SGCG: variants seen among roughly 807,000 people sequenced by gnomAD.
SGCG encodes sarcoglycan gamma.
Under a neutral mutation model 29.3 loss-of-function variants are expected in SGCG, and 26 were observed. The observed-to-expected ratio is 0.89, with a 90% CI of 0.65 to 1.23. The LOEUF is 1.23. SGCG is among the 50% of genes most tolerant of loss of function. SGCG has a pLI of 0.00. For synonymous variants in SGCG, 145 were observed against 129.7 expected (o/e 1.12, Z -0.80); for missense variants, 353 against 356.0 (o/e 0.99, Z 0.07).
At chr13:23,164,359 C>T in the SGCG span, among the ~76,000 whole-genome samples, 43 of 152,306 alleles carry the variant, frequency 2.8e-4, no homozygotes, top group Middle Eastern at 6.8e-3. Flanking sequence ...GGAACTCCTA[C>T]TTTAAGAGTC....
chr13:23,207,133 G>C (rs983486521), intron 2 of SGCG, among the ~76,000 whole-genome samples: 2 of 152,112 alleles, frequency 1.3e-5, no homozygotes, highest in Non-Finnish European at 2.9e-5. Context: ...TAGACCACTG[G>C]AACAGAATAG....
At chr13:23,307,340 C>G (rs1311102556) in intron 6 of SGCG, among the ~76,000 whole-genome samples, 1 of 152,194 alleles carries the variant, frequency 6.6e-6, no homozygotes, top group African/African-American at 2.4e-5. Context: ...AGTGTCATTC[C>G]ATTCCCTTGT....
intron 4 of SGCG, among the ~76,000 whole-genome samples, chr13:23,255,909 A>C (rs1009592629): frequency 6.6e-6 from 1 of 152,208 alleles, no homozygotes; most frequent in Admixed American, 6.5e-5. Context: ...AGCTTACACC[A>C]TGAACCAAAT....
intron 2 of SGCG, among the ~76,000 whole-genome samples, chr13:23,214,176 G>T (rs1210851240): frequency 6.6e-6 from 1 of 152,050 alleles, no homozygotes; most frequent in South Asian, 2.1e-4. Flanking sequence ...CTGACCCCAC[G>T]TTCATCATGG....
At chr13:23,268,669 G>A (rs1045450650) in intron 4 of SGCG, 6 of 152,342 alleles carry the variant, frequency 3.9e-5, no homozygotes, top group African/African-American at 1.4e-4. Flanking sequence ...AAACAGCAGG[G>A]ACTTTCCAAG....
At chr13:23,205,589 A>G (rs753795663) in intron 2 of SGCG, among the ~76,000 whole-genome samples, 6 of 152,196 alleles carry the variant, frequency 3.9e-5, no homozygotes, top group African/African-American at 9.6e-5. Flanking sequence ...TAAAGTGACA[A>G]TATGTCTACT....
intron 6 of SGCG, among the ~76,000 whole-genome samples, chr13:23,315,597 A>G (rs930259815): frequency 2.0e-5 from 3 of 152,222 alleles, no homozygotes. Flanking sequence ...CTGCAGCACT[A>G]CAGCCCCTTT....
chr13:23,219,341 C>T (rs530393707), intron 2 of SGCG, among the ~76,000 whole-genome samples: 2 of 152,252 alleles, frequency 1.3e-5, no homozygotes, highest in South Asian at 4.1e-4. Context: ...GCCACCACGC[C>T]CGGCCATAGG....
intron 4 of SGCG, among the ~76,000 whole-genome samples, chr13:23,272,738 T>C (rs1209131522): frequency 5.3e-5 from 8 of 152,218 alleles, no homozygotes; most frequent in Non-Finnish European, 1.0e-4. Flanking sequence ...TGACACCATC[T>C]GTGCTTGGTT....
intron 6 of SGCG, among the ~76,000 whole-genome samples, chr13:23,310,043 C>T (rs1240565325): frequency 7.0e-6 from 1 of 141,942 alleles, no homozygotes; most frequent in Non-Finnish European, 1.5e-5. Flanking sequence ...TTGTTAACAT[C>T]TTCTATATAC....
chr13:23,209,680 A>G (rs1413841361), intron 2 of SGCG, among the ~76,000 whole-genome samples: 1 of 152,198 alleles, frequency 6.6e-6, no homozygotes, highest in African/African-American at 2.4e-5. Flanking sequence ...ACACTGTAAA[A>G]TAGGCTTTGT....
chr13:23,248,482 C>T (rs1174530027), intron 3 of SGCG, among the ~76,000 whole-genome samples: 2 of 151,958 alleles, frequency 1.3e-5, no homozygotes, highest in Non-Finnish European at 2.9e-5. Context: ...GGGCGGATCA[C>T]GAGGTCAGGA....
upstream of SGCG, among the ~76,000 whole-genome samples, chr13:23,177,568 C>CTTTTT (rs71100158): frequency 4.1e-4 from 31 of 76,392 alleles, no homozygotes; most frequent in African/African-American, 5.9e-4. Context: ...TGTGAGCAGG[C>CTTTTT]TTTTTTTTTT....
At chr13:23,309,264 A>C (rs12862592) in intron 6 of SGCG, among the ~76,000 whole-genome samples, 37,723 of 151,870 alleles carry the variant, frequency 0.25, 5,268 homozygotes, top group South Asian at 0.32. Context: ...AGAGAGAGAG[A>C]GAAAGAGGAA....
intron 1 of SGCG, among the ~76,000 whole-genome samples, chr13:23,202,803 A>C (rs1214677205): frequency 6.6e-6 from 1 of 152,110 alleles, no homozygotes; most frequent in Non-Finnish European, 1.5e-5. Context: ...TGACTTTTGC[A>C]CAAAAAATCC....
At chr13:23,196,584 G>A (rs9552875) in intron 1 of SGCG, among the ~76,000 whole-genome samples, 69,651 of 151,628 alleles carry the variant, frequency 0.46, 16,111 homozygotes, top group Admixed American at 0.51. Context: ...TTTCTTTGAT[G>A]TATACGTGTA....
At position 23,303,145 on chromosome 13, in the gene SGCG, C is replaced by T. The variant is rs532351983; in HGVS notation, c.578+7658C>T. Among the ~76,000 whole-genome samples the T allele has an allele frequency of 1.4e-3, 215 of 152,268 alleles. 1 individual carries two copies. Among genetic ancestry groups the T allele is most frequent in the Non-Finnish European group, 2.6e-3 (179 of 68,028 alleles). On this transcript the variant is annotated intron_variant, in intron 6 of 7. Coordinates refer to ENST00000218867, the MANE Select transcript of SGCG (RefSeq NM_000231.3). ...CACATTACCCCTGGAAGTATTTCTA[C>T]CCCAGTGTAATACATCATAATCGAT... is the stretch of plus-strand genomic sequence containing the variant.
intron 3 of SGCG, among the ~76,000 whole-genome samples, chr13:23,248,405 CA>C (rs1427597186): frequency 2.0e-5 from 3 of 152,052 alleles, no homozygotes; most frequent in Non-Finnish European, 4.4e-5. Flanking sequence ...TAGCCTAAAT[CA>C]AAAAGCACAA....
intron 1 of SGCG, among the ~76,000 whole-genome samples, chr13:23,201,249 A>T (rs1160457460): frequency 1.3e-5 from 2 of 151,132 alleles, no homozygotes; most frequent in East Asian, 3.9e-4. Context: ...ATGGATACTG[A>T]AGTTTTCTCA....
Sources: gnomAD v4.1 joint callset for allele counts (sites outside exome capture counted in the v4.1 genomes callset) on GRCh38, gnomAD v4.1.1 for gene constraint, MANE v1.5 for transcripts, NCBI Gene and HGNC (gene_info 2026-07-23, HGNC 2026-07-21) for gene names.